The following RGS13 variants were observed in gnomAD, a reference collection of about 807,000 sequenced individuals.
RGS13 encodes the protein regulator of G-protein signalling 13.
In RGS13, 14 loss-of-function variants were observed where a neutral mutation model predicts 19.9. That is an observed-to-expected ratio of 0.70 (90% confidence interval 0.46 to 1.10). The LOEUF is 1.10. RGS13 is among the 50% of genes least tolerant of loss of function. RGS13 has a pLI of 0.00. For synonymous variants in RGS13, 60 were observed against 56.8 expected (o/e 1.06, Z -0.25); for missense variants, 205 against 187.1 (o/e 1.10, Z -0.56).
intron 5 of RGS13, among the ~76,000 whole-genome samples, chr1:192,653,461 T>C (rs1256494990): frequency 6.6e-6 from 1 of 152,074 alleles, no homozygotes; most frequent in East Asian, 1.9e-4. Flanking sequence ...AATCTAAAAA[T>C]TCTATTTTAA....
At chr1:192,637,453 C>T (rs1474745617) in intron 1 of RGS13, 137 bp from the exon 2 acceptor site, 2 of 151,812 alleles carry the variant, frequency 1.3e-5, no homozygotes, top group Non-Finnish European at 2.9e-5. Flanking sequence ...AACCATAATC[C>T]AGCATTTCCG....
chr1:192,653,835 T>C (rs1370262297), intron 5 of RGS13, among the ~76,000 whole-genome samples: 1 of 152,006 alleles, frequency 6.6e-6, no homozygotes, highest in Non-Finnish European at 1.5e-5. Flanking sequence ...ATATACCAAA[T>C]TGTTAACAGT....
chr1:192,642,334 T>C (rs1295338779), intron 3 of RGS13, among the ~76,000 whole-genome samples: 1 of 151,772 alleles, frequency 6.6e-6, no homozygotes, highest in East Asian at 1.9e-4. Flanking sequence ...TTTTTTTTTT[T>C]TTTTTGAGAT....
At chr1:192,646,909 C>T (rs1245970456) in intron 4 of RGS13, 1 of 152,076 alleles carries the variant, frequency 6.6e-6, no homozygotes, top group Non-Finnish European at 1.5e-5. Flanking sequence ...TTTGCCAATT[C>T]ACCTCATGAA....
At chr1:192,651,675 T>A (rs1663340859) in intron 5 of RGS13, among the ~76,000 whole-genome samples, 1 of 151,926 alleles carries the variant, frequency 6.6e-6, no homozygotes, top group Non-Finnish European at 1.5e-5. Flanking sequence ...ACAGGGACAC[T>A]TGCCCCTCAG....
At chr1:192,654,406 T>C (rs1172038985) in intron 5 of RGS13, among the ~76,000 whole-genome samples, 1 of 151,668 alleles carries the variant, frequency 6.6e-6, no homozygotes, top group Non-Finnish European at 1.5e-5. Context: ...TTAAGCTGTG[T>C]TTATAATATT....
Position 192,646,766 on chromosome 1 carries a change from C to T in RGS13, c.66-1160C>T, listed in dbSNP as rs550351648. ...AACAGGCAGTATTTGATTTTCTGTT[C>T]CTGCATTAGTTTGCTGAGGATATGG... On this transcript the variant is annotated intron_variant, in intron 4 of 6. Transcript: ENST00000391995. The T allele has an allele frequency of 2.0e-5, 3 of 152,244 alleles. No homozygotes were observed. The East Asian group carries it at 5.8e-4, about 29-fold the overall frequency. The allele number at this position is 152,244 out of a possible 1,614,324, so 9.4% of individuals were successfully genotyped here.
At chr1:192,641,384 A>G (rs1663120359) in intron 3 of RGS13, among the ~76,000 whole-genome samples, 1 of 151,928 alleles carries the variant, frequency 6.6e-6, no homozygotes, top group Admixed American at 6.6e-5. Flanking sequence ...GGAGGAAGGG[A>G]AAGAGGAAAG....
intron 2 of RGS13, among the ~76,000 whole-genome samples, chr1:192,637,882 G>A (rs1304234710): frequency 6.6e-6 from 1 of 152,036 alleles, no homozygotes; most frequent in Non-Finnish European, 1.5e-5. Context: ...TCAATAGGAT[G>A]TTTTAATCAA....
At chr1:192,642,913 A>G (rs1378751645) in intron 3 of RGS13, among the ~76,000 whole-genome samples, 1 of 151,870 alleles carries the variant, frequency 6.6e-6, no homozygotes, top group Non-Finnish European at 1.5e-5. Context: ...CAGCTACAGC[A>G]CAGTGGTGCA....
At chr1:192,647,201 T>C (rs997668148) in intron 4 of RGS13, 17 of 152,158 alleles carry the variant, frequency 1.1e-4, no homozygotes, top group Non-Finnish European at 2.2e-4. Context: ...CGGCAAACAG[T>C]GCATAACCCT....
In RGS13 at chr1:192,644,854, T is replaced by C. The variant is rs190214895; in HGVS notation, c.65+455T>C. 2.3e-3 allele frequency: 349 copies of C among 153,868 alleles called. 1 individual carries two copies. The highest frequency in any genetic ancestry group is 4.2e-3 in the Non-Finnish European group (288 of 69,194). The allele number at this position is 153,868 out of a possible 1,614,324, so 9.5% of individuals were successfully genotyped here. Reference sequence around the variant, plus strand: ...ATAACTCAAAATGTTGCCATTTGGATGAGAACAGTGAAAAGAATAATGCCT... The same window carrying C: ...ATAACTCAAAATGTTGCCATTTGGACGAGAACAGTGAAAAGAATAATGCCT... On this transcript the variant is annotated intron_variant, in intron 4 of 6. Coordinates refer to ENST00000391995, the MANE Select transcript of RGS13 (RefSeq NM_002927.5).
chr1:192,650,571 A>T (rs927978438), intron 5 of RGS13, among the ~76,000 whole-genome samples: 1 of 152,078 alleles, frequency 6.6e-6, no homozygotes, highest in Non-Finnish European at 1.5e-5. Flanking sequence ...GAAATATATC[A>T]GCCTGGGTCT....
rs1663486509 is a variant in RGS13, at chr1:192,658,350, C to CCA, written c.280_281dup (p.Gln94HisfsTer35). 6.2e-7 allele frequency: 1 copy of CCA among 1,612,526 alleles called. No homozygotes were observed. The highest frequency in any genetic ancestry group is 1.3e-5 in the African/African-American group (1 of 74,770). On this transcript the variant is annotated frameshift_variant, in exon 6 of 7. Transcript: ENST00000391995. LOFTEE classifies it high-confidence loss of function. ...GAAGCTTTATAAGATTTACATCCAGCCACAGTCCCCTAGAGAGGTAACTAC... is the reference window on the plus strand; with the variant it reads ...GAAGCTTTATAAGATTTACATCCAGCCACACAGTCCCCTAGAGAGGTAACTAC...
chr1:192,641,267 A>C (rs1571578443), intron 3 of RGS13, among the ~76,000 whole-genome samples: 1 of 108,732 alleles, frequency 9.2e-6, no homozygotes, highest in Admixed American at 1.1e-4. Context: ...AGAAAGAAAG[A>C]AAGAAAGAAA....
intron 5 of RGS13, among the ~76,000 whole-genome samples, chr1:192,651,550 G>A (rs1663336758): frequency 3.3e-5 from 5 of 152,038 alleles, no homozygotes; most frequent in African/African-American, 7.2e-5. Context: ...TGACACAGAA[G>A]AGAGTGGAGA....
intron 3 of RGS13, among the ~76,000 whole-genome samples, chr1:192,639,317 G>C (rs1465023248): frequency 1.3e-5 from 2 of 150,458 alleles, no homozygotes; most frequent in African/African-American, 2.5e-5. Context: ...CCTTTTTTCT[G>C]TAACACTCAA....
chr1:192,654,565 G>A (rs1663401364), intron 5 of RGS13, among the ~76,000 whole-genome samples: 1 of 152,024 alleles, frequency 6.6e-6, no homozygotes, highest in African/African-American at 2.4e-5. Flanking sequence ...ATTATCCCCA[G>A]TGGTACAGAT....
rs1389905213 is a variant in RGS13, at chr1:192,638,210, G to A, written c.-5+7G>A. The A allele has an allele frequency of 6.6e-6, 1 of 152,036 alleles. No homozygotes were observed. Among genetic ancestry groups the A allele is most frequent in the Non-Finnish European group, 1.5e-5 (1 of 67,980 alleles). 9.4% of individuals were successfully genotyped at this position (152,036 alleles called of 1,614,324 possible). A position where few individuals can be genotyped will look rare whatever the true frequency, so the allele number is the denominator to read the frequency against. ...TTCTCTTCTCATTTTAGAGGTATGA[G>A]AATTTTAATTTCTACTTCTGAGCAT... is the stretch of plus-strand genomic sequence containing the variant. On this transcript the variant is annotated splice_region_variant and intron_variant, in intron 3 of 6. Coordinates refer to ENST00000391995, the MANE Select transcript of RGS13 (RefSeq NM_002927.5).
Sources: allele counts gnomAD v4.1 joint callset (sites outside exome capture counted in the v4.1 genomes callset), GRCh38; gene constraint gnomAD v4.1.1; transcripts MANE v1.5; gene names NCBI Gene and HGNC (gene_info 2026-07-23, HGNC 2026-07-21).